Variants in ERO1B observed in about 807,000 individuals in gnomAD.
The protein encoded by ERO1B is ERO1-like protein beta.
In ERO1B, 49 loss-of-function variants were observed where a neutral mutation model predicts 75.3. The observed-to-expected ratio is 0.65, with a 90% CI of 0.52 to 0.83. The LOEUF is 0.83. Ranked by LOEUF, ERO1B falls within the 40% of genes least tolerant of loss-of-function variation. ERO1B has a pLI of 0.00. For missense variants in ERO1B, 512 were observed against 560.1 expected (o/e 0.91, Z 0.87); for synonymous variants, 191 against 192.9 (o/e 0.99, Z 0.08).
intron 5 of ERO1B, among the ~76,000 whole-genome samples, chr1:236,244,585 G>C (rs1664793485): frequency 6.6e-6 from 1 of 152,148 alleles, no homozygotes; most frequent in Admixed American, 6.6e-5. Context: ...CAAATCAATA[G>C]TGATACAAAT....
At chr1:236,255,345 A>G (rs1665137260) in intron 2 of ERO1B, among the ~76,000 whole-genome samples, 1 of 152,136 alleles carries the variant, frequency 6.6e-6, no homozygotes, top group African/African-American at 2.4e-5. Context: ...ACACCTAAGC[A>G]GAGAGACCAT....
intron 13 of ERO1B, among the ~76,000 whole-genome samples, chr1:236,224,482 A>ATT (rs1553369708): frequency 1.3e-5 from 2 of 150,394 alleles, no homozygotes; most frequent in African/African-American, 4.9e-5. Flanking sequence ...AAAAAAAAAA[A>ATT]TGCCAATTTC....
At position 236,273,980 on chromosome 1, in the gene ERO1B, ATTTT is replaced by A. The variant is rs71176477; in HGVS notation, c.103-3990_103-3987del. Among the ~76,000 whole-genome samples, 696 of 94,512 alleles carry A rather than the reference ATTTT, an allele frequency of 7.4e-3. 4 individuals carry two copies. Among genetic ancestry groups the A allele is most frequent in the African/African-American group, 0.029 (659 of 22,986 alleles). The allele number at this position is 94,512 out of a possible 152,430, so 62.0% of individuals were successfully genotyped here. ...GGGACTTACTGTTGAGCCATATCCT[ATTTT>A]TTTTTTTTTTTTTTTTTGAGACAGA... On this transcript the variant is annotated intron_variant, in intron 1 of 15. Transcript: ENST00000354619.
intron 2 of ERO1B, among the ~76,000 whole-genome samples, chr1:236,265,761 C>T (rs545756001): frequency 1.3e-5 from 2 of 152,292 alleles, no homozygotes; most frequent in Admixed American, 6.5e-5. Context: ...CTCTCCCTCT[C>T]GTTCACTCCA....
Position 236,253,422 on chromosome 1 carries a change from C to T in ERO1B, c.306G>A (p.Glu102=). 1.3e-6 allele frequency: 2 copies of T among 1,593,502 alleles called. No homozygotes were observed. The highest frequency in any genetic ancestry group is 1.7e-6 in the Non-Finnish European group (2 of 1,163,336). ...IKDCHVEPCP[E]SKIPVGIKAG... is the part of the protein sequence containing the mutation. ...TGCCCTGTTATTTTATTTATTATAC[C>T]TCTGGACAGGGCTCCACATGACAGT... Residue 102 remains glutamate, a splice_region_variant and synonymous_variant, in exon 3 of 16, where the codon GAG becomes GAA. Coordinates refer to ENST00000354619, the MANE Select transcript of ERO1B (RefSeq NM_019891.4).
intron 14 of ERO1B, among the ~76,000 whole-genome samples, chr1:236,221,506 G>A (rs1053669104): frequency 7.9e-5 from 12 of 152,066 alleles, no homozygotes; most frequent in African/African-American, 1.9e-4. Context: ...CCTGTCTTGC[G>A]GAGCTTTCCT....
In ERO1B at chr1:236,218,543, A is replaced by T. The variant is rs760301457; in HGVS notation, c.1377T>A (p.Phe459Leu). The T allele has an allele frequency of 2.8e-6, 4 of 1,410,286 alleles. No individual in the cohort carries two copies. The highest frequency in any genetic ancestry group is 1.5e-5 in the African/African-American group (1 of 67,552). 87.4% of individuals were successfully genotyped at this position (1,410,286 alleles called of 1,614,324 possible). Reference sequence around the variant, plus strand: ...ACCTACTGTGTTGTAATAAGACTTTAAAATTCTGTAAGTCTCTTATACTTG... The same window carrying T: ...ACCTACTGTGTTGTAATAAGACTTTTAAATTCTGTAAGTCTCTTATACTTG... ...LSTSIRDLQN[F>L]KVLLQHSR The change falls in exon 16 of 16, where the codon TTT becomes TTA. Residue 459 changes from phenylalanine to leucine, a missense_variant. Transcript: ENST00000354619.
chr1:236,250,240 C>T (rs1240109293), intron 4 of ERO1B, among the ~76,000 whole-genome samples: 8 of 151,926 alleles, frequency 5.3e-5, no homozygotes, highest in South Asian at 2.1e-4. Flanking sequence ...GAGGCCAAGG[C>T]GGGCGGATCA....
At chr1:236,226,143 C>T in intron 12 of ERO1B, 126 bp downstream of exon 12, 1 of 888,846 alleles carries the variant, frequency 1.1e-6, no homozygotes, top group African/African-American at 1.7e-5. Flanking sequence ...TTCTATTGAT[C>T]ACTTTCCTTT....
rs1266923387 is a variant in ERO1B at position 236,218,004 on chromosome 1, G to T, written c.*512C>A. On this transcript the variant is annotated 3_prime_UTR_variant, in exon 16 of 16. Coordinates refer to ENST00000354619, the MANE Select transcript of ERO1B (RefSeq NM_019891.4). Reference sequence around the variant, plus strand: ...ATCATGGTGACAGTTCCAGATTCTAGAAATATTATAGTATTTCTTTATATT... The same window carrying T: ...ATCATGGTGACAGTTCCAGATTCTATAAATATTATAGTATTTCTTTATATT... 1 of 152,242 alleles carries T rather than the reference G, an allele frequency of 6.6e-6. No individual in the cohort carries two copies. The highest frequency in any genetic ancestry group is 2.4e-5 in the African/African-American group (1 of 41,548). The allele number at this position is 152,242 out of a possible 1,614,324, so 9.4% of individuals were successfully genotyped here.
In ERO1B at chr1:236,281,676, G is replaced by A; in HGVS notation, c.102+6C>T. 2.0e-6 allele frequency: 3 copies of A among 1,467,240 alleles called. No individual in the cohort carries two copies. Among genetic ancestry groups the A allele is most frequent in the South Asian group, 2.6e-5 (2 of 77,460 alleles). The allele number at this position is 1,467,240 out of a possible 1,614,324, so 90.9% of individuals were successfully genotyped here. A position where few individuals can be genotyped will look rare whatever the true frequency, so the allele number is the denominator to read the frequency against. On this transcript the variant is annotated splice_donor_region_variant and intron_variant, in intron 1 of 15. Transcript: ENST00000354619. ...GGGTTCCCGGCCCGCTATCACTCGG[G>A]CTTACCTGCGCCTCGACGACGCTCC...
chr1:236,218,643 T>C lies in ERO1B; in HGVS notation c.1344-67A>G, dbSNP rs1044286984. 3.4e-6 allele frequency: 4 copies of C among 1,193,570 alleles called. No individual in the cohort carries two copies. In the South Asian group the frequency reaches 1.2e-4, roughly 36 times the overall value. 73.9% of individuals were successfully genotyped at this position (1,193,570 alleles called of 1,614,324 possible). A position where few individuals can be genotyped will look rare whatever the true frequency, so the allele number is the denominator to read the frequency against. Reference sequence around the variant, plus strand: ...TGCATACTGTTTCAAATTATTGATATTGTTACATAAGCTATAATTTGAAAG... The same window carrying C: ...TGCATACTGTTTCAAATTATTGATACTGTTACATAAGCTATAATTTGAAAG... On this transcript the variant is annotated intron_variant, in intron 15 of 15. Transcript: ENST00000354619.
chr1:236,275,903 G>A (rs756350443), intron 1 of ERO1B, among the ~76,000 whole-genome samples: 9 of 152,198 alleles, frequency 5.9e-5, no homozygotes, highest in Non-Finnish European at 1.3e-4. Flanking sequence ...AAGGGTGACA[G>A]GAATTTGGTG....
In ERO1B at chr1:236,235,800, G is replaced by A. The variant is rs966390978; in HGVS notation, c.662C>T (p.Ala221Val). ...RSVYRPLNPL[A>V]PSRGEDDGES... ...TATGAAAAACCTACCTCGGCTAGGCGCCAGAGGATTTAAAGGACGATAAAC... is the reference window on the plus strand; with the variant it reads ...TATGAAAAACCTACCTCGGCTAGGCACCAGAGGATTTAAAGGACGATAAAC... Residue 221 changes from alanine to valine, a missense_variant, in exon 8 of 16, where the codon GCG (alanine) becomes GTG (valine). Ala to Val is a moderately conservative substitution (Grantham distance 64). Transcript: ENST00000354619. 23 of 1,611,894 alleles carry A rather than the reference G, an allele frequency of 1.4e-5. No homozygotes were observed. The highest frequency in any genetic ancestry group is 1.7e-4 in the Middle Eastern group (1 of 6,046).
chr1:236,270,102 G>T, intron 1 of ERO1B, 108 bp from the exon 2 acceptor site: 1 of 787,960 alleles, frequency 1.3e-6, no homozygotes, highest in Non-Finnish European at 2.0e-6. Flanking sequence ...GCCGGTACTT[G>T]CTGATTAAGA....
chr1:236,216,523 A>G lies in ERO1B; in HGVS notation c.*1993T>C, dbSNP rs1572023590. 1 of 152,110 alleles carries G rather than the reference A, an allele frequency of 6.6e-6. No individual in the cohort carries two copies. The highest frequency in any genetic ancestry group is 6.5e-5 in the Admixed American group (1 of 15,274). 9.4% of individuals were successfully genotyped at this position (152,110 alleles called of 1,614,324 possible). ...TTAGTTGTGAAAAAATTAGTTAAGAACCTTAAAAAGAACTTTTTACTCTAA... is the reference window on the plus strand; with the variant it reads ...TTAGTTGTGAAAAAATTAGTTAAGAGCCTTAAAAAGAACTTTTTACTCTAA... On this transcript the variant is annotated 3_prime_UTR_variant, in exon 16 of 16. Transcript: ENST00000354619.
Position 236,263,778 on chromosome 1 carries a change from C to CTTTTTTTTTTTTTTTTTTTTTTTTTTT in ERO1B, c.222+6070_222+6096dup. Among the ~76,000 whole-genome samples the CTTTTTTTTTTTTTTTTTTTTTTTTTTT allele has an allele frequency of 2.6e-4, 21 of 80,298 alleles. 2 individuals carry two copies. Among genetic ancestry groups the CTTTTTTTTTTTTTTTTTTTTTTTTTTT allele is most frequent in the Non-Finnish European group, 3.8e-4 (15 of 39,760 alleles). The allele number at this position is 80,298 out of a possible 152,430, so 52.7% of individuals were successfully genotyped here. A position where few individuals can be genotyped will look rare whatever the true frequency, so the allele number is the denominator to read the frequency against. ...TATATTTTTTGTTTTATTTTGTTTG[C>CTTTTTTTTTTTTTTTTTTTTTTTTTTT]TTTTTTTTTTTTTTTTTTTTTTTTT... is the stretch of plus-strand genomic sequence containing the variant. On this transcript the variant is annotated intron_variant, in intron 2 of 15. Coordinates refer to ENST00000354619, the MANE Select transcript of ERO1B (RefSeq NM_019891.4).
intron 15 of ERO1B, 81 bp downstream of exon 15, chr1:236,220,751 C>A: frequency 7.2e-7 from 1 of 1,388,048 alleles, no homozygotes; most frequent in South Asian, 2.0e-5. Flanking sequence ...ACAAACCCTA[C>A]TTTTAGCAAA....
At chr1:236,268,447 A>G (rs547032492) in intron 2 of ERO1B, among the ~76,000 whole-genome samples, 14 of 151,982 alleles carry the variant, frequency 9.2e-5, no homozygotes, top group Admixed American at 9.2e-4. Flanking sequence ...CTAAAAAAAA[A>G]CAAAAAAAAA....
Sources: allele counts gnomAD v4.1 joint callset (sites outside exome capture counted in the v4.1 genomes callset), GRCh38; gene constraint gnomAD v4.1.1; transcripts MANE v1.5; gene names NCBI Gene and HGNC (gene_info 2026-07-23, HGNC 2026-07-21).